Variants in ABHD2 observed in about 807,000 individuals in gnomAD.
ABHD2 encodes abhydrolase domain containing 2, acylglycerol lipase.
In ABHD2, 20 loss-of-function variants were observed where a neutral mutation model predicts 48.1. The ratio of observed to expected loss-of-function variants is 0.42; its 90% confidence interval spans 0.29 to 0.60. The LOEUF (loss-of-function observed/expected upper bound fraction) is 0.60. Ranked by LOEUF, ABHD2 falls within the 20% of genes least tolerant of loss-of-function variation. The pLI, the probability that ABHD2 is intolerant of heterozygous loss-of-function variation, is 0.24. For missense variants in ABHD2, 405 were observed against 550.9 expected (o/e 0.74, Z 2.65); for synonymous variants, 209 against 214.2 (o/e 0.98, Z 0.21).
chr15:89,153,861 A>G (rs558322389), intron 4 of ABHD2, among the ~76,000 whole-genome samples: 41 of 152,350 alleles, frequency 2.7e-4, no homozygotes, highest in Non-Finnish European at 5.1e-4. Flanking sequence ...GTGATATTAT[A>G]AAGACTTTCC....
chr15:89,118,367 C>T (rs918712872), intron 3 of ABHD2, among the ~76,000 whole-genome samples: 7 of 151,970 alleles, frequency 4.6e-5, no homozygotes, highest in South Asian at 4.1e-4. Context: ...TTGGTAGAGA[C>T]GGGGTTTCAC....
At chr15:89,093,210 C>CA (rs1207902342) in intron 1 of ABHD2, among the ~76,000 whole-genome samples, 131 of 122,118 alleles carry the variant, frequency 1.1e-3, no homozygotes, top group African/African-American at 3.7e-3. Flanking sequence ...GACAGAGTCT[C>CA]ACTTTTGTCT....
intron 3 of ABHD2, chr15:89,135,475 T>C: frequency 1.3e-6 from 1 of 789,896 alleles, no homozygotes; most frequent in Non-Finnish European, 2.1e-6. Context: ...TTTTTTTCTT[T>C]AAAAGGAGTG....
At position 89,173,907 on chromosome 15, in the gene ABHD2, G is replaced by T. The variant is rs1416412611; in HGVS notation, c.539-1905G>T. Among the ~76,000 whole-genome samples, 1 of 152,124 alleles carries T rather than the reference G, an allele frequency of 6.6e-6. No individual in the cohort carries two copies. Among genetic ancestry groups the T allele is most frequent in the Non-Finnish European group, 1.5e-5 (1 of 68,018 alleles). ...TGCTGTTTGGGAGGAAGCAGCTCTTGGCCCGGTTTTTCCCTTAGTTTTAGG... is the reference window on the plus strand; with the variant it reads ...TGCTGTTTGGGAGGAAGCAGCTCTTTGCCCGGTTTTTCCCTTAGTTTTAGG... On this transcript the variant is annotated intron_variant, in intron 5 of 10. Coordinates refer to ENST00000352732, the MANE Select transcript of ABHD2 (RefSeq NM_152924.5). This position sits in a 1 kb window ranked among gnomAD's most constrained non-coding sequence, Gnocchi z 6.5.
At chr15:89,152,091 T>C (rs2050601330) in intron 4 of ABHD2, among the ~76,000 whole-genome samples, 1 of 152,042 alleles carries the variant, frequency 6.6e-6, no homozygotes, top group East Asian at 1.9e-4. Context: ...TTTTTTTTTT[T>C]TTGAGACGGA....
chr15:89,166,614 C>G lies in ABHD2; in HGVS notation c.539-9198C>G, dbSNP rs1231882988. On this transcript the variant is annotated intron_variant, in intron 5 of 10. Coordinates refer to ENST00000352732, the MANE Select transcript of ABHD2 (RefSeq NM_152924.5). The surrounding 1 kb of genome is among the most constrained non-coding windows in gnomAD (Gnocchi z 4.6). ...CAAAAATTATCTCTTGGGCTGGGTA[C>G]AGTGGCTCACACCTTTAATCACAGT... Among the ~76,000 whole-genome samples the G allele has an allele frequency of 6.6e-6, 1 of 151,930 alleles. No homozygotes were observed. Among genetic ancestry groups the G allele is most frequent in the Non-Finnish European group, 1.5e-5 (1 of 67,998 alleles).
chr15:89,127,718 T>TATACAC (rs1282212358), intron 3 of ABHD2, among the ~76,000 whole-genome samples: 13 of 82,256 alleles, frequency 1.6e-4, no homozygotes, highest in African/African-American at 9.3e-4. Flanking sequence ...TATATATATA[T>TATACAC]ACACATATAT....
chr15:89,144,902 A>G (rs2050466450), intron 3 of ABHD2, among the ~76,000 whole-genome samples: 2 of 152,254 alleles, frequency 1.3e-5, no homozygotes, highest in African/African-American at 4.8e-5. Context: ...CTTTAAGACC[A>G]GTAAAGATCA....
the ABHD2 span, among the ~76,000 whole-genome samples, chr15:89,081,315 G>A: frequency 8.6e-5 from 13 of 151,548 alleles, no homozygotes; most frequent in African/African-American, 1.7e-4. Context: ...CCACTGCACC[G>A]GCCAATTTCA....
chr15:89,101,272 G>A (rs1171512575), intron 1 of ABHD2, among the ~76,000 whole-genome samples: 1 of 152,226 alleles, frequency 6.6e-6, no homozygotes, highest in Non-Finnish European at 1.5e-5. Context: ...CCTTGGGACA[G>A]TAACTCCTCT....
intron 3 of ABHD2, chr15:89,136,480 G>A: frequency 2.3e-6 from 1 of 432,742 alleles, no homozygotes; most frequent in Non-Finnish European, 4.6e-6. Context: ...GGCTTCTTAG[G>A]GTCTCCTTTG....
At chr15:89,063,114 C>CA in the ABHD2 span, among the ~76,000 whole-genome samples, 2 of 151,278 alleles carry the variant, frequency 1.3e-5, 1 homozygote. Context: ...ACTACAGGCG[C>CA]ACGCCACCAT....
Position 89,116,539 on chromosome 15 carries a change from C to T in ABHD2, c.194+18C>T, listed in dbSNP as rs572930406. On this transcript the variant is annotated intron_variant, in intron 3 of 10. Transcript: ENST00000352732. This position sits in a 1 kb window ranked among gnomAD's most constrained non-coding sequence, Gnocchi z 4.6. ...ACCAAAGAGTGAGTAGACCTCATGC[C>T]CTCTGTATGCTCAGCTGCTGATGTA... is the stretch of plus-strand genomic sequence containing the variant. The T allele has an allele frequency of 1.2e-6, 2 of 1,602,912 alleles. No homozygotes were observed. Among genetic ancestry groups the T allele is most frequent in the South Asian group, 1.1e-5 (1 of 89,980 alleles).
In ABHD2 at chr15:89,116,669, A is replaced by G. The variant is rs1161826455; in HGVS notation, c.194+148A>G. On this transcript the variant is annotated intron_variant, in intron 3 of 10. Transcript: ENST00000352732. This position sits in a 1 kb window ranked among gnomAD's most constrained non-coding sequence, Gnocchi z 4.6. ...GTTAAAATAGCCACAGTCTGATTGC[A>G]GTCTAGTGTTTGAATCCTGGAGGGT... 2.4e-6 allele frequency: 2 copies of G among 839,522 alleles called. No homozygotes were observed. Among genetic ancestry groups the G allele is most frequent in the Non-Finnish European group, 3.6e-6 (2 of 551,992 alleles). 52.0% of individuals were successfully genotyped at this position (839,522 alleles called of 1,614,324 possible). A position where few individuals can be genotyped will look rare whatever the true frequency, so the allele number is the denominator to read the frequency against.
the ABHD2 span, among the ~76,000 whole-genome samples, chr15:89,061,615 C>T: frequency 6.6e-6 from 1 of 152,008 alleles, no homozygotes; most frequent in Non-Finnish European, 1.5e-5. Context: ...CTTTATCACC[C>T]AGACTGGAGT....
In ABHD2 at chr15:89,151,698, G is replaced by T. The variant is rs2050593654; in HGVS notation, c.216G>T (p.Trp72Cys). Reference protein sequence around the residue: ...LTKEYIPPLIWGKSGHIQTAL... With the variant: ...LTKEYIPPLICGKSGHIQTAL... The stretch of plus-strand genomic sequence containing the variant: ...TTAGATACATTCCACCGTTGATCTG[G>T]GGGAAAAGTGGACACATCCAGACAG... Residue 72 changes from tryptophan (W) to cysteine (C), a missense_variant, in exon 4 of 11, where the codon TGG (tryptophan) becomes TGT (cysteine). By Grantham distance (215) the Trp-to-Cys change is radical (BLOSUM62 -2). Coordinates refer to ENST00000352732, the MANE Select transcript of ABHD2 (RefSeq NM_152924.5). This position sits in a 1 kb window ranked among gnomAD's most constrained non-coding sequence, Gnocchi z 4.7. 6.2e-7 allele frequency: 1 copy of T among 1,614,004 alleles called. No individual in the cohort carries two copies. Among genetic ancestry groups the T allele is most frequent in the Non-Finnish European group, 8.5e-7 (1 of 1,179,988 alleles).
chr15:89,084,257 T>C (rs961245629), upstream of ABHD2, among the ~76,000 whole-genome samples: 2 of 150,786 alleles, frequency 1.3e-5, no homozygotes, highest in Non-Finnish European at 2.9e-5. The surrounding 1 kb of genome is among the most constrained non-coding windows in gnomAD (Gnocchi z 4.4). Context: ...AGTGTGTATA[T>C]AGGAACTGTC....
intron 1 of ABHD2, among the ~76,000 whole-genome samples, chr15:89,109,020 C>T (rs942794551): frequency 6.6e-6 from 1 of 152,204 alleles, no homozygotes; most frequent in African/African-American, 2.4e-5. Flanking sequence ...GATTAAGTGC[C>T]TTGATTCAAG....
chr15:89,147,286 A>G (rs1273312857), intron 3 of ABHD2, among the ~76,000 whole-genome samples: 2 of 152,094 alleles, frequency 1.3e-5, no homozygotes, highest in Non-Finnish European at 2.9e-5. Flanking sequence ...TACATTTTTT[A>G]AAACTATAGA....
Sources: allele counts gnomAD v4.1 joint callset (sites outside exome capture counted in the v4.1 genomes callset), GRCh38; gene constraint gnomAD v4.1.1; non-coding constraint Gnocchi (gnomAD v3.1); transcripts MANE v1.5; gene names NCBI Gene and HGNC (gene_info 2026-07-23, HGNC 2026-07-21).